Variants in DHRSX observed in about 807,000 individuals in gnomAD.
DHRSX encodes dehydrogenase/reductase X-linked.
A neutral mutation model predicts 34.0 loss-of-function variants in DHRSX; 31 were observed. The observed-to-expected ratio is 0.91, with a 90% confidence interval of 0.69 to 1.23. The LOEUF is 1.23. DHRSX is among the 50% of genes most tolerant of loss of function. The probability of loss-of-function intolerance (pLI) is 0.00; values close to 1 mark genes in which losing one functional copy is unlikely to be tolerated. For synonymous variants in DHRSX, 201 were observed against 183.8 expected (o/e 1.09, Z -0.76); for missense variants, 414 against 428.1 (o/e 0.97, Z 0.29).
At chrX:2,296,616 AGGAATAG>A (rs200543391) in intron 3 of DHRSX, among the ~76,000 whole-genome samples, 1 of 19,584 alleles carries the variant, frequency 5.1e-5, no homozygotes, top group Non-Finnish European at 1.1e-4. Flanking sequence ...CCAGGCAGAT[AGGAATAG>A]GACCCAGGCA....
chrX:2,494,511 C>G (rs2045234218), intron 1 of DHRSX, among the ~76,000 whole-genome samples: 1 of 151,666 alleles, frequency 6.6e-6, no homozygotes, highest in African/African-American at 2.4e-5. Context: ...GGTTTATATT[C>G]TATGATTATT....
At chrX:2,431,597 C>G (rs1245182641) in intron 1 of DHRSX, among the ~76,000 whole-genome samples, 1 of 152,106 alleles carries the variant, frequency 6.6e-6, no homozygotes, top group Non-Finnish European at 1.5e-5. Context: ...GAAATCATGT[C>G]CTTTGCAGCA....
rs189233062 is a variant in DHRSX at position 2,354,412 on chromosome X, G to A, written c.286+54333C>T. The stretch of plus-strand genomic sequence containing the variant: ...AGAGAGCAGGTGCTCACAGACAGGG[G>A]TCATGGACAGCAATCACTACCCACA... On this transcript the variant is annotated intron_variant, in intron 3 of 6. Coordinates refer to ENST00000334651, the MANE Select transcript of DHRSX (RefSeq NM_145177.3). Among the ~76,000 whole-genome samples the A allele has an allele frequency of 2.6e-5, 4 of 152,296 alleles. No individual in the cohort carries two copies. The East Asian group carries it at 7.7e-4, about 29-fold the overall frequency.
At chrX:2,469,224 G>A (rs1475512177) in intron 1 of DHRSX, among the ~76,000 whole-genome samples, 3 of 149,858 alleles carry the variant, frequency 2.0e-5, no homozygotes, top group African/African-American at 7.4e-5. Flanking sequence ...CTAGGCATGT[G>A]GCCAAGGGAC....
chrX:2,388,665 G>A (rs1245424087), intron 3 of DHRSX, among the ~76,000 whole-genome samples: 3 of 151,646 alleles, frequency 2.0e-5, no homozygotes, highest in African/African-American at 7.3e-5. Context: ...ATAAGAAGAG[G>A]AGATGAGGAC....
intron 5 of DHRSX, among the ~76,000 whole-genome samples, chrX:2,249,873 T>A (rs993325839): frequency 1.3e-4 from 19 of 150,832 alleles, no homozygotes; most frequent in Non-Finnish European, 2.4e-4. Flanking sequence ...CTTAAAAAAA[T>A]AAACCTTGGG....
chrX:2,499,101 A>C (rs985996747), intron 1 of DHRSX, among the ~76,000 whole-genome samples: 6 of 152,106 alleles, frequency 3.9e-5, no homozygotes, highest in African/African-American at 1.4e-4. Context: ...CACGCTTCTC[A>C]AAGGGTGGCG....
chrX:2,417,121 G>C (rs2124643385), intron 2 of DHRSX, among the ~76,000 whole-genome samples: 1 of 152,322 alleles, frequency 6.6e-6, no homozygotes, highest in African/African-American at 2.4e-5. Context: ...GACATCAGGA[G>C]CTCTGTGGGA....
At chrX:2,222,943 A>C (rs1377778542) in intron 6 of DHRSX, among the ~76,000 whole-genome samples, 1 of 152,158 alleles carries the variant, frequency 6.6e-6, no homozygotes, top group Non-Finnish European at 1.5e-5. Flanking sequence ...CAGTAGAGGA[A>C]CAGAGCTGCC....
chrX:2,387,938 G>C (rs1355945053), intron 3 of DHRSX, among the ~76,000 whole-genome samples: 1 of 138,952 alleles, frequency 7.2e-6, no homozygotes, highest in Non-Finnish European at 1.5e-5. Flanking sequence ...GATTCCCTCA[G>C]GTACCCCCAG....
intron 3 of DHRSX, among the ~76,000 whole-genome samples, chrX:2,295,847 C>T (rs1017961218): frequency 6.6e-6 from 1 of 152,084 alleles, no homozygotes; most frequent in African/African-American, 2.4e-5. Context: ...GTGGCAATAC[C>T]GAAGCACAAA....
intron 5 of DHRSX, among the ~76,000 whole-genome samples, chrX:2,246,683 AAAAAGAAAAG>A (rs1397382972): frequency 7.4e-6 from 1 of 135,212 alleles, no homozygotes; most frequent in Non-Finnish European, 1.7e-5. Flanking sequence ...AGAAAGAAAG[AAAAAGAAAAG>A]AAAAGAAAGA....
chrX:2,493,958 G>A (rs1377209941), intron 1 of DHRSX, among the ~76,000 whole-genome samples: 2 of 151,048 alleles, frequency 1.3e-5, no homozygotes, highest in Non-Finnish European at 2.9e-5. Context: ...GGCAACAAGC[G>A]CAAAACTCCG....
At chrX:2,255,243 G>C (rs1483056206) in intron 5 of DHRSX, among the ~76,000 whole-genome samples, 5 of 152,142 alleles carry the variant, frequency 3.3e-5, no homozygotes, top group Non-Finnish European at 7.3e-5. Flanking sequence ...AAACAACACA[G>C]GACATTGCAG....
At chrX:2,468,867 T>C (rs755162985) in intron 1 of DHRSX, among the ~76,000 whole-genome samples, 1 of 151,100 alleles carries the variant, frequency 6.6e-6, no homozygotes, top group African/African-American at 2.4e-5. Context: ...ACCACCGCCA[T>C]GTACACACTG....
At chrX:2,490,177 C>T (rs376321324) in intron 1 of DHRSX, 49 of 1,613,846 alleles carry the variant, frequency 3.0e-5, no homozygotes, top group Non-Finnish European at 4.2e-5. Context: ...GGATCACCTC[C>T]CGGACGGCCC....
intron 1 of DHRSX, among the ~76,000 whole-genome samples, chrX:2,474,699 G>A (rs1446707895): frequency 2.0e-5 from 3 of 151,790 alleles, no homozygotes; most frequent in Non-Finnish European, 2.9e-5. Context: ...CCCTAAGTGT[G>A]TGGCTAAGGG....
At chrX:2,309,273 T>C (rs764831720) in intron 3 of DHRSX, among the ~76,000 whole-genome samples, 14 of 152,226 alleles carry the variant, frequency 9.2e-5, no homozygotes, top group Non-Finnish European at 2.9e-5. Flanking sequence ...ACTGACTGGT[T>C]GGACAAAAAG....
At chrX:2,343,520 C>G (rs1569491414) in intron 3 of DHRSX, among the ~76,000 whole-genome samples, 1 of 152,206 alleles carries the variant, frequency 6.6e-6, no homozygotes, top group Non-Finnish European at 1.5e-5. Flanking sequence ...ATTGTCAATC[C>G]TCACCAGAGG....
Sources: gnomAD v4.1 joint callset for allele counts (sites outside exome capture counted in the v4.1 genomes callset) on GRCh38, gnomAD v4.1.1 for gene constraint, MANE v1.5 for transcripts, NCBI Gene and HGNC (gene_info 2026-07-23, HGNC 2026-07-21) for gene names.